Variants in SI observed in about 807,000 individuals in gnomAD.
SI encodes the protein sucrase-isomaltase, intestinal.
Under a neutral mutation model 253.3 loss-of-function variants are expected in SI, and 235 were observed. That is an observed-to-expected ratio of 0.93 (90% CI 0.83 to 1.03). The LOEUF (loss-of-function observed/expected upper bound fraction) is 1.03. Ranked by LOEUF, SI falls within the 50% of genes least tolerant of loss-of-function variation. SI has a pLI of 0.00. For missense variants in SI, 2,442 were observed against 2,211.1 expected (o/e 1.10, Z -2.09); for synonymous variants, 819 against 712.0 (o/e 1.15, Z -2.39).
chr3:165,007,792 T>C, intron 36 of SI, 119 bp downstream of exon 36: 1 of 306,852 alleles, frequency 3.3e-6, no homozygotes, highest in Non-Finnish European at 6.0e-6. Context: ...TATATATACA[T>C]ATATATTCTA....
intron 16 of SI, among the ~76,000 whole-genome samples, chr3:165,045,848 A>ATTTTTTTTTT (rs74590097): frequency 8.3e-6 from 1 of 120,816 alleles, no homozygotes; most frequent in Non-Finnish European, 1.7e-5. Context: ...ATGTTTTTCA[A>ATTTTTTTTTT]TTTTTTTTTT....
At position 165,009,411 on chromosome 3, in the gene SI, T is replaced by C; in HGVS notation, c.4063-16A>G. On this transcript the variant is annotated splice_polypyrimidine_tract_variant and intron_variant, in intron 34 of 47. Transcript: ENST00000264382. ...CTCTGGAAGCCTGTAAAACCAAAAT[T>C]TAGGCTCACATGTGGAAAGTCTTAA... The C allele has an allele frequency of 7.0e-7, 1 of 1,424,750 alleles. No individual in the cohort carries two copies. Among genetic ancestry groups the C allele is most frequent in the Non-Finnish European group, 9.9e-7 (1 of 1,007,396 alleles). The allele number at this position is 1,424,750 out of a possible 1,614,324, so 88.3% of individuals were successfully genotyped here. A position where few individuals can be genotyped will look rare whatever the true frequency, so the allele number is the denominator to read the frequency against.
At chr3:165,062,239 T>A (rs928429551) in intron 9 of SI, 132 bp downstream of exon 9, 8 of 628,958 alleles carry the variant, frequency 1.3e-5, no homozygotes, top group Non-Finnish European at 2.0e-5. Flanking sequence ...GCATCTTAAA[T>A]ATGATAAGAT....
Position 165,030,990 on chromosome 3 carries a change from C to T in SI, c.2737-123G>A, listed in dbSNP as rs569780047. The T allele has an allele frequency of 2.3e-6, 3 of 1,323,620 alleles. No individual in the cohort carries two copies. In the African/African-American group the frequency reaches 4.5e-5, roughly 20 times the overall value. The allele number at this position is 1,323,620 out of a possible 1,614,324, so 82.0% of individuals were successfully genotyped here. ...ACATTTTACATTTCACAAAATGTGG[C>T]AACGAGGGCAATTCTTCAAATTAAA... On this transcript the variant is annotated intron_variant, in intron 24 of 47. Coordinates refer to ENST00000264382, the MANE Select transcript of SI (RefSeq NM_001041.4).
At chr3:165,047,465 C>A (rs988359563) in intron 15 of SI, among the ~76,000 whole-genome samples, 3 of 151,956 alleles carry the variant, frequency 2.0e-5, no homozygotes, top group African/African-American at 4.8e-5. Context: ...TGAAACTGGG[C>A]TAATACACCA....
At chr3:165,021,070 G>A (rs1385381609) in intron 27 of SI, among the ~76,000 whole-genome samples, 159 bp downstream of exon 27, 1 of 151,608 alleles carries the variant, frequency 6.6e-6, no homozygotes, top group East Asian at 1.9e-4. Context: ...CATGGACTAT[G>A]TTTAGCTAGA....
In SI at chr3:164,983,063, G is replaced by GAAA. The variant is rs566002300; in HGVS notation, c.5198-15_5198-13dup. ...TCTTTCATAGGTGTCTGTAGAGAGA[G>GAAA]AAAAAAAATGTGATATATTGTTATT... On this transcript the variant is annotated splice_polypyrimidine_tract_variant and intron_variant, in intron 45 of 47. Coordinates refer to ENST00000264382, the MANE Select transcript of SI (RefSeq NM_001041.4). The GAAA allele has an allele frequency of 6.5e-7, 1 of 1,536,550 alleles. No homozygotes were observed. Among genetic ancestry groups the GAAA allele is most frequent in the Admixed American group, 1.7e-5 (1 of 57,396 alleles).
At chr3:165,053,471 TAAGTAATA>T (rs1270974750) in intron 13 of SI, among the ~76,000 whole-genome samples, 3 of 152,146 alleles carry the variant, frequency 2.0e-5, no homozygotes, top group Non-Finnish European at 2.9e-5. Flanking sequence ...GGCAAGTAGA[TAAGTAATA>T]GCTAAAAGTA....
intron 47 of SI, among the ~76,000 whole-genome samples, chr3:164,980,107 A>T (rs1030023043): frequency 2.0e-5 from 3 of 151,860 alleles, no homozygotes; most frequent in Admixed American, 2.0e-4. Context: ...GTTTGGATTC[A>T]GTCATCAAAT....
Position 165,069,063 on chromosome 3 carries a change from C to G in SI, c.373+15G>C. 1 of 1,512,800 alleles carries G rather than the reference C, an allele frequency of 6.6e-7. No individual in the cohort carries two copies. The highest frequency in any genetic ancestry group is 1.4e-5 in the African/African-American group (1 of 73,018). The allele number at this position is 1,512,800 out of a possible 1,614,324, so 93.7% of individuals were successfully genotyped here. A position where few individuals can be genotyped will look rare whatever the true frequency, so the allele number is the denominator to read the frequency against. Reference sequence around the variant, plus strand: ...AATATATCATATTGAATCATTATAACAGAGGACTTCTTACCAATACTTGTT... The same window carrying G: ...AATATATCATATTGAATCATTATAAGAGAGGACTTCTTACCAATACTTGTT... On this transcript the variant is annotated intron_variant, in intron 4 of 47. Transcript: ENST00000264382.
upstream of SI, chr3:165,078,555 T>C (rs7629658): frequency 0.58 from 88,432 of 151,502 alleles, 26,173 homozygotes; most frequent in East Asian, 0.81. Context: ...ATTGCACCCT[T>C]ACCAGCCTAT....
chr3:165,055,304 A>G lies in SI; in HGVS notation c.1402T>C (p.Trp468Arg). 8 of 1,533,798 alleles carry G rather than the reference A, an allele frequency of 5.2e-6. No individual in the cohort carries two copies. Among genetic ancestry groups the G allele is most frequent in the Non-Finnish European group, 7.2e-6 (8 of 1,108,062 alleles). Residue 468 changes from tryptophan (W) to arginine (R), a missense_variant, in exon 13 of 48, where the codon TGG becomes CGG. Trp to Arg is a moderately radical substitution (Grantham distance 101, BLOSUM62 -3). Transcript: ENST00000264382. The stretch of plus-strand genomic sequence containing the variant: ...TCAGGGTATACTGTTAATCCTGGCC[A>G]TACCTAGAAGAATAGATCATTCACA... ...DGSTPIIGEV[W>R]PGLTVYPDFT...
chr3:165,023,896 A>G (rs1711763911), intron 25 of SI, 120 bp from the exon 26 acceptor site: 1 of 746,332 alleles, frequency 1.3e-6, no homozygotes, highest in African/African-American at 1.7e-5. Flanking sequence ...TAATACAAAA[A>G]TGAAATAACA....
chr3:164,995,345 T>A (rs1235274191), intron 40 of SI, among the ~76,000 whole-genome samples: 1 of 151,774 alleles, frequency 6.6e-6, no homozygotes, highest in African/African-American at 2.4e-5. Flanking sequence ...TTTCCAAAGT[T>A]AAATAAGAAG....
At chr3:165,026,923 A>C (rs991605376) in intron 25 of SI, among the ~76,000 whole-genome samples, 3 of 151,540 alleles carry the variant, frequency 2.0e-5, no homozygotes, top group Non-Finnish European at 3.0e-5. Flanking sequence ...CTAGAGAAAC[A>C]AGAACAAATC....
At chr3:165,022,291 G>A (rs1344856081) in intron 26 of SI, among the ~76,000 whole-genome samples, 1 of 151,268 alleles carries the variant, frequency 6.6e-6, no homozygotes, top group Non-Finnish European at 1.5e-5. Context: ...TTTTACCTAT[G>A]TCACTTAACG....
chr3:165,017,687 T>C lies in SI; in HGVS notation c.3634-14A>G. Reference sequence around the variant, plus strand: ...ATGGCCAATTACCTTTAAAAAAAATTCATGTGTGAACTAAGAGAATTACTT... The same window carrying C: ...ATGGCCAATTACCTTTAAAAAAAATCCATGTGTGAACTAAGAGAATTACTT... On this transcript the variant is annotated splice_polypyrimidine_tract_variant and intron_variant, in intron 30 of 47. Transcript: ENST00000264382. 6.2e-7 allele frequency: 1 copy of C among 1,611,912 alleles called. No individual in the cohort carries two copies. Among genetic ancestry groups the C allele is most frequent in the Non-Finnish European group, 8.5e-7 (1 of 1,178,530 alleles).
At chr3:164,979,532 T>C (rs1190008840) in intron 47 of SI, 102 bp from the exon 48 acceptor site, 1 of 615,432 alleles carries the variant, frequency 1.6e-6, no homozygotes, top group Non-Finnish European at 2.9e-6. Flanking sequence ...AGTATATACC[T>C]TTATTTTCTT....
chr3:164,989,331 T>A, intron 44 of SI, among the ~76,000 whole-genome samples: 1 of 125,124 alleles, frequency 8.0e-6, no homozygotes. Flanking sequence ...AGAGCAAGAC[T>A]CTGTCAAAAA....
Sources: gnomAD v4.1 joint callset for allele counts (sites outside exome capture counted in the v4.1 genomes callset) on GRCh38, gnomAD v4.1.1 for gene constraint, MANE v1.5 for transcripts, NCBI Gene and HGNC (gene_info 2026-07-23, HGNC 2026-07-21) for gene names.